The following NWD2 variants were observed in gnomAD, a reference collection of about 807,000 sequenced individuals.
NWD2 encodes NACHT and WD repeat domain containing 2, also known as NACHT and WD repeat domain-containing protein 2.
In NWD2, 37 loss-of-function variants were observed where a neutral mutation model predicts 132.7. The ratio of observed to expected loss-of-function variants is 0.28; its 90% CI spans 0.21 to 0.37. The LOEUF (loss-of-function observed/expected upper bound fraction) is 0.37. Among genes scored for constraint, NWD2 ranks in the 10% least tolerant of loss-of-function variants. The pLI, the probability that NWD2 is intolerant of heterozygous loss-of-function variation, is 1.00. For synonymous variants in NWD2, 705 were observed against 803.0 expected (o/e 0.88, Z 2.06); for missense variants, 1,592 against 2,122.4 (o/e 0.75, Z 4.91).
At chr4:37,414,942 G>T (rs544012222) in intron 3 of NWD2, among the ~76,000 whole-genome samples, 4 of 152,308 alleles carry the variant, frequency 2.6e-5, no homozygotes, top group Non-Finnish European at 4.4e-5. Context: ...GCACAGAGGG[G>T]TTAAGTAACT....
chr4:37,300,610 C>A (rs1718594121), intron 1 of NWD2, among the ~76,000 whole-genome samples: 1 of 151,888 alleles, frequency 6.6e-6, no homozygotes, highest in South Asian at 2.1e-4. Flanking sequence ...CAAAATATGA[C>A]CTATTTCAGA....
At chr4:37,245,561 T>G (rs968146534) in intron 1 of NWD2, among the ~76,000 whole-genome samples, 2 of 151,714 alleles carry the variant, frequency 1.3e-5, no homozygotes, top group African/African-American at 4.8e-5. Context: ...TTTTTTTTTT[T>G]TTAAAGCGGT....
intron 3 of NWD2, among the ~76,000 whole-genome samples, chr4:37,376,264 A>G (rs1219710247): frequency 6.6e-6 from 1 of 152,266 alleles, no homozygotes; most frequent in East Asian, 1.9e-4. Flanking sequence ...TGTCCATCTC[A>G]TAGCAACATT....
Position 37,430,718 on chromosome 4 carries a change from G to A in NWD2, c.504G>A (p.Val168=), listed in dbSNP as rs763583729. 1 of 1,551,654 alleles carries A rather than the reference G, an allele frequency of 6.4e-7. No homozygotes were observed. The highest frequency in any genetic ancestry group is 1.2e-5 in the South Asian group (1 of 84,044). The stretch of plus-strand genomic sequence containing the variant: ...GGTACTGTCGAGATGAGAACTCGGT[G>A]CCAGCAGCCTATTACCTCAGACCCA... The part of the protein sequence containing the change: ...EEWYCRDENS[V]PAAYYLRPKS... Residue 168 remains valine, a synonymous_variant, in exon 4 of 7, where the codon GTG becomes GTA. Coordinates refer to ENST00000309447, the MANE Select transcript of NWD2 (RefSeq NM_001144990.2).
chr4:37,249,779 T>C (rs1717315692), intron 1 of NWD2, among the ~76,000 whole-genome samples: 1 of 152,344 alleles, frequency 6.6e-6, no homozygotes, highest in South Asian at 2.1e-4. Flanking sequence ...TTGTCCACAG[T>C]GTTGATCAGG....
At chr4:37,438,178 G>A (rs1213532127) in intron 5 of NWD2, among the ~76,000 whole-genome samples, 1 of 151,774 alleles carries the variant, frequency 6.6e-6, no homozygotes, top group East Asian at 1.9e-4. Flanking sequence ...GGAGAATGGT[G>A]TGAACCCAGG....
intron 1 of NWD2, among the ~76,000 whole-genome samples, chr4:37,313,865 ATTG>A (rs1208778823): frequency 3.3e-5 from 5 of 150,628 alleles, no homozygotes; most frequent in Non-Finnish European, 7.4e-5. Context: ...CGCCCTCCTA[ATTG>A]TTGTATTTTA....
chr4:37,253,039 C>T (rs1577644635), intron 1 of NWD2, among the ~76,000 whole-genome samples: 1 of 150,794 alleles, frequency 6.6e-6, no homozygotes, highest in Non-Finnish European at 1.5e-5. Flanking sequence ...TTTGACCTCC[C>T]TTTGTTATAA....
intron 2 of NWD2, among the ~76,000 whole-genome samples, chr4:37,343,845 T>C (rs13124644): frequency 0.41 from 62,210 of 151,882 alleles, 13,300 homozygotes; most frequent in East Asian, 0.59. Flanking sequence ...TTAGGTAATC[T>C]TGATATTTAA....
intron 2 of NWD2, among the ~76,000 whole-genome samples, chr4:37,347,053 A>G (rs1251785729): frequency 6.6e-6 from 1 of 151,918 alleles, no homozygotes; most frequent in Admixed American, 6.6e-5. Flanking sequence ...TATCCCTTTC[A>G]TTTCCCTTTT....
intron 1 of NWD2, among the ~76,000 whole-genome samples, chr4:37,259,760 C>T (rs1452197107): frequency 6.6e-6 from 1 of 152,158 alleles, no homozygotes; most frequent in East Asian, 1.9e-4. Flanking sequence ...TCCCAACCAG[C>T]CGCAATCCAT....
At chr4:37,386,692 T>C (rs1720570559) in intron 3 of NWD2, among the ~76,000 whole-genome samples, 1 of 152,204 alleles carries the variant, frequency 6.6e-6, no homozygotes, top group South Asian at 2.1e-4. Flanking sequence ...ACAGTTTGCA[T>C]ATTTGTCCCC....
chr4:37,377,223 A>G (rs1577683955), intron 3 of NWD2, among the ~76,000 whole-genome samples: 1 of 152,218 alleles, frequency 6.6e-6, no homozygotes, highest in Non-Finnish European at 1.5e-5. Context: ...ATGAGCAAAA[A>G]TGTAGCAACC....
intron 3 of NWD2, among the ~76,000 whole-genome samples, chr4:37,359,079 T>G (rs751569138): frequency 6.6e-6 from 1 of 152,180 alleles, no homozygotes; most frequent in Non-Finnish European, 1.5e-5. Flanking sequence ...TCTCCCCCTT[T>G]TATAACCCTG....
intron 1 of NWD2, among the ~76,000 whole-genome samples, chr4:37,277,650 A>G (rs1326633519): frequency 6.6e-6 from 1 of 152,068 alleles, no homozygotes. Context: ...ATTCTAAAAA[A>G]TGGTTTCCTT....
At chr4:37,282,343 GTT>G (rs72090604) in intron 1 of NWD2, among the ~76,000 whole-genome samples, 1 of 151,954 alleles carries the variant, frequency 6.6e-6, no homozygotes, top group East Asian at 1.9e-4. Flanking sequence ...ATAACAATGG[GTT>G]TTTTTCCCCT....
chr4:37,439,272 C>T lies in NWD2; in HGVS notation c.1178C>T (p.Ser393Phe). 1 of 1,551,036 alleles carries T rather than the reference C, an allele frequency of 6.4e-7. No homozygotes were observed. Among genetic ancestry groups the T allele is most frequent in the South Asian group, 1.2e-5 (1 of 83,974 alleles). The change falls in exon 6 of 7, where the codon TCT (serine) becomes TTT (phenylalanine). Residue 393 changes from serine to phenylalanine, a missense_variant. Physicochemically the swap from Ser to Phe is radical, Grantham distance 155 (BLOSUM62 -2). This residue lies in a region of NWD2 where 1,071 missense variants were observed against 1,398.0 expected (regional missense o/e 0.77). Coordinates refer to ENST00000309447, the MANE Select transcript of NWD2 (RefSeq NM_001144990.2). This position sits in a 1 kb window ranked among gnomAD's most constrained non-coding sequence, Gnocchi z 4.5. Reference protein sequence around the residue: ...YASFYEYKCESLNIVHNYILP... With the variant: ...YASFYEYKCEFLNIVHNYILP... ...TCCTTCTATGAGTACAAATGTGAAT[C>T]TCTAAACATAGTGCATAACTACATT...
At chr4:37,316,638 T>C (rs1240977895) in intron 1 of NWD2, among the ~76,000 whole-genome samples, 2 of 152,168 alleles carry the variant, frequency 1.3e-5, no homozygotes, top group Non-Finnish European at 1.5e-5. Context: ...TTTCCACAGG[T>C]GTCTTGGGGC....
chr4:37,326,015 G>A lies in NWD2; in HGVS notation c.231G>A (p.Leu77=). Reference sequence around the variant, plus strand: ...AATTCTGCAGAGAAAACTATGGATTGGAATTTCAGGTAATTCTAGTGTTAA... The same window carrying A: ...AATTCTGCAGAGAAAACTATGGATTAGAATTTCAGGTAATTCTAGTGTTAA... The part of the protein sequence containing the change: ...LREFCRENYG[L]EFQVIDLYWG... The change falls in exon 2 of 7, where the codon TTG becomes TTA. Residue 77 remains leucine, a synonymous_variant. Transcript: ENST00000309447. 2.0e-6 allele frequency: 3 copies of A among 1,527,358 alleles called. No homozygotes were observed. Among genetic ancestry groups the A allele is most frequent in the Non-Finnish European group, 2.7e-6 (3 of 1,125,844 alleles). The allele number at this position is 1,527,358 out of a possible 1,614,324, so 94.6% of individuals were successfully genotyped here.
Sources: gnomAD v4.1 joint callset for allele counts (sites outside exome capture counted in the v4.1 genomes callset) on GRCh38, gnomAD v4.1.1 for gene constraint, gnomAD v4.1.1 regional missense constraint, Gnocchi (gnomAD v3.1) non-coding constraint, MANE v1.5 for transcripts, NCBI Gene and HGNC (gene_info 2026-07-23, HGNC 2026-07-21) for gene names.